SHPK: variants seen among roughly 807,000 people sequenced by gnomAD.
SHPK encodes carbohydrate kinase-like protein.
Under a neutral mutation model 46.3 loss-of-function variants are expected in SHPK, and 51 were observed. The ratio of observed to expected loss-of-function variants is 1.10; its 90% confidence interval spans 0.88 to 1.39. SHPK has a LOEUF of 1.39. SHPK is among the 40% of genes most tolerant of loss of function. The probability of loss-of-function intolerance (pLI) is 0.00; values close to 1 mark genes in which losing one functional copy is unlikely to be tolerated. For synonymous variants in SHPK, 290 were observed against 273.9 expected (o/e 1.06, Z -0.58); for missense variants, 668 against 641.3 (o/e 1.04, Z -0.45).
intron 2 of SHPK, among the ~76,000 whole-genome samples, chr17:3,629,726 C>CA (rs2075459140): frequency 8.3e-6 from 1 of 120,674 alleles, no homozygotes; most frequent in Non-Finnish European, 1.8e-5. Flanking sequence ...GAAACTCCAC[C>CA]TTAAAAAAAA....
chr17:3,616,204 G>A (rs901842801), intron 5 of SHPK, among the ~76,000 whole-genome samples: 1 of 152,134 alleles, frequency 6.6e-6, no homozygotes, highest in Non-Finnish European at 1.5e-5. Context: ...GTGAGAGTGG[G>A]CTGGACTTAG....
At chr17:3,612,763 T>C (rs1433515296) in intron 6 of SHPK, among the ~76,000 whole-genome samples, 1 of 151,748 alleles carries the variant, frequency 6.6e-6, no homozygotes, top group Non-Finnish European at 1.5e-5. Flanking sequence ...CTTTTTTTTT[T>C]TTTTTTGAGA....
chr17:3,612,165 G>A (rs1047547137), intron 6 of SHPK, among the ~76,000 whole-genome samples: 5 of 151,116 alleles, frequency 3.3e-5, no homozygotes, highest in African/African-American at 7.3e-5. Context: ...GGTGGCTTAC[G>A]CTGTAATCCC....
chr17:3,627,973 T>C (rs1026707871), intron 2 of SHPK, among the ~76,000 whole-genome samples: 19 of 151,870 alleles, frequency 1.3e-4, no homozygotes, highest in African/African-American at 4.4e-4. Context: ...GGTCTGATGA[T>C]AGCCGGACAG....
chr17:3,621,350 G>A lies in SHPK; in HGVS notation c.710C>T (p.Ala237Val), dbSNP rs560456775. Residue 237 changes from alanine to valine, a missense_variant, in exon 5 of 7, where the codon GCG (alanine) becomes GTG (valine). Coordinates refer to ENST00000225519, the MANE Select transcript of SHPK (RefSeq NM_013276.4). Reference sequence around the variant, plus strand: ...AAACCACATGTGGGAAGTTCTGCCCGCCACACTGCCAGGCTCGGCGATGTC... The same window carrying A: ...AAACCACATGTGGGAAGTTCTGCCCACCACACTGCCAGGCTCGGCGATGTC... ...LPDIAEPGSV[A>V]GRTSHMWFEI... The A allele has an allele frequency of 3.3e-5, 54 of 1,614,140 alleles. No homozygotes were observed. Among genetic ancestry groups the A allele is most frequent in the East Asian group, 2.7e-4 (12 of 44,884 alleles).
Position 3,610,753 on chromosome 17 carries a change from G to A in SHPK, c.1244C>T (p.Pro415Leu), listed in dbSNP as rs141579629. The A allele has an allele frequency of 3.8e-5, 62 of 1,613,960 alleles. No individual in the cohort carries two copies. Among genetic ancestry groups the A allele is most frequent in the Non-Finnish European group, 4.8e-5 (57 of 1,179,990 alleles). The change falls in exon 7 of 7, where the codon CCG (proline) becomes CTG (leucine). Residue 415 changes from proline (P) to leucine (L), a missense_variant. Coordinates refer to ENST00000225519, the MANE Select transcript of SHPK (RefSeq NM_013276.4). Reference protein sequence around the residue: ...GIVQNLHSMLPIQQLQEWGVE... With the variant: ...GIVQNLHSMLLIQQLQEWGVE... Reference sequence around the variant, plus strand: ...GCCCCACTCCTGGAGCTGCTGAATCGGAAGCATGGAGTGCAGGTTCTGAAC... The same window carrying A: ...GCCCCACTCCTGGAGCTGCTGAATCAGAAGCATGGAGTGCAGGTTCTGAAC...
At chr17:3,611,338 G>A (rs944860729) in intron 6 of SHPK, among the ~76,000 whole-genome samples, 5 of 152,214 alleles carry the variant, frequency 3.3e-5, no homozygotes, top group Non-Finnish European at 7.3e-5. Context: ...GGAGGCCAAG[G>A]CGGGCAGATC....
At chr17:3,614,775 G>A (rs1332818977) in intron 6 of SHPK, among the ~76,000 whole-genome samples, 1 of 151,190 alleles carries the variant, frequency 6.6e-6, no homozygotes, top group Non-Finnish European at 1.5e-5. Context: ...TTGAACCTGG[G>A]AGGCGGAGTT....
chr17:3,617,822 A>T (rs2075377741), intron 5 of SHPK, among the ~76,000 whole-genome samples: 1 of 152,196 alleles, frequency 6.6e-6, no homozygotes, highest in African/African-American at 2.4e-5. Flanking sequence ...TCAAAAAAAA[A>T]TTAAAAAGGA....
intron 4 of SHPK, chr17:3,622,648 A>C (rs568573325): frequency 1.1e-6 from 1 of 946,664 alleles, no homozygotes; most frequent in African/African-American, 1.8e-5. Flanking sequence ...AAGGCAAATG[A>C]TTGTTCAAAA....
At position 3,636,145 on chromosome 17, in the gene SHPK, C is replaced by T. The variant is rs1387619558; in HGVS notation, c.75G>A (p.Ala25=). The T allele has an allele frequency of 6.2e-7, 1 of 1,611,794 alleles. No homozygotes were observed. The highest frequency in any genetic ancestry group is 1.7e-5 in the Admixed American group (1 of 59,882). Residue 25 remains alanine, a synonymous_variant, in exon 1 of 7, where the codon GCG becomes GCA. Transcript: ENST00000225519. ...TSVKAALLRA[A]PDDPSGFAVL... is the part of the protein sequence containing the mutation. The stretch of plus-strand genomic sequence containing the variant: ...CTGCGAACCCGGATGGGTCGTCGGG[C>T]GCGGCCCTCAGCAGAGCTGCCTTCA...
intron 2 of SHPK, among the ~76,000 whole-genome samples, chr17:3,629,523 T>A (rs1282996562): frequency 6.6e-6 from 1 of 151,630 alleles, no homozygotes; most frequent in East Asian, 1.9e-4. Flanking sequence ...AGGTCAGGAG[T>A]TCGAGACCAG....
intron 6 of SHPK, among the ~76,000 whole-genome samples, chr17:3,614,263 G>A (rs1482971888): frequency 4.6e-5 from 7 of 152,176 alleles, no homozygotes; most frequent in African/African-American, 9.7e-5. Flanking sequence ...AGTGGCTCAC[G>A]CCTGTAATCC....
intron 2 of SHPK, among the ~76,000 whole-genome samples, chr17:3,629,728 TAAA>T (rs59844560): frequency 8.2e-5 from 10 of 121,664 alleles, no homozygotes; most frequent in African/African-American, 6.4e-5. Context: ...AACTCCACCT[TAAA>T]AAAAAAAAAA....
intron 6 of SHPK, among the ~76,000 whole-genome samples, chr17:3,613,680 T>C (rs1386524953): frequency 1.3e-5 from 2 of 152,208 alleles, no homozygotes; most frequent in African/African-American, 4.8e-5. Flanking sequence ...TTTTATTTTT[T>C]AAATCATGTG....
rs1266653146 is a variant in SHPK, at chr17:3,636,181, G to A, written c.39C>T (p.Gly13=). Residue 13 remains glycine (G), a synonymous_variant, in exon 1 of 7, where the codon GGC becomes GGT. Transcript: ENST00000225519. ...ARPITLGIDL[G]TTSVKAALLR... is the part of the protein sequence containing the mutation. The stretch of plus-strand genomic sequence containing the variant: ...GCAGAGCTGCCTTCACAGATGTGGT[G>A]CCCAGGTCAATGCCGAGGGTGATCG... The A allele has an allele frequency of 1.9e-6, 3 of 1,611,496 alleles. No individual in the cohort carries two copies. The highest frequency in any genetic ancestry group is 2.5e-6 in the Non-Finnish European group (3 of 1,178,510).
intron 1 of SHPK, among the ~76,000 whole-genome samples, chr17:3,635,202 G>A (rs568215718): frequency 2.5e-5 from 3 of 121,506 alleles, no homozygotes; most frequent in East Asian, 5.6e-4. Flanking sequence ...ATGAAGGAAG[G>A]AAGGAAGGAA....
At position 3,610,539 on chromosome 17, in the gene SHPK, T is replaced by C. The variant is rs767545659; in HGVS notation, c.*21A>G. On this transcript the variant is annotated 3_prime_UTR_variant, in exon 7 of 7. Coordinates refer to ENST00000225519, the MANE Select transcript of SHPK (RefSeq NM_013276.4). Reference sequence around the variant, plus strand: ...AATCAGGTAAAATTCACAGCAGTCGTTTGGCGAAAGAGTTTGCTGTCTAAG... The same window carrying C: ...AATCAGGTAAAATTCACAGCAGTCGCTTGGCGAAAGAGTTTGCTGTCTAAG... 55 of 1,577,270 alleles carry C rather than the reference T, an allele frequency of 3.5e-5. No individual in the cohort carries two copies. The highest frequency in any genetic ancestry group is 4.8e-5 in the Non-Finnish European group (55 of 1,157,078).
Position 3,621,413 on chromosome 17 carries a change from C to A in SHPK, c.648-1G>T. 1 of 1,613,262 alleles carries A rather than the reference C, an allele frequency of 6.2e-7. No individual in the cohort carries two copies. The highest frequency in any genetic ancestry group is 8.5e-7 in the Non-Finnish European group (1 of 1,179,564). ...GACAGGAAAACCCGAGCTCCTCAGT[C>A]TGTAAAACAGAAGTGGACACCCACA... On this transcript the variant is annotated splice_acceptor_variant, in intron 4 of 6. Coordinates refer to ENST00000225519, the MANE Select transcript of SHPK (RefSeq NM_013276.4). LOFTEE classifies it high-confidence loss of function.
Sources: gnomAD v4.1 joint callset for allele counts (sites outside exome capture counted in the v4.1 genomes callset) on GRCh38, gnomAD v4.1.1 for gene constraint, MANE v1.5 for transcripts, NCBI Gene and HGNC (gene_info 2026-07-23, HGNC 2026-07-21) for gene names.